Variants in RNF38 observed in about 807,000 individuals in gnomAD.
RNF38 encodes E3 ubiquitin-protein ligase RNF38.
A neutral mutation model predicts 67.2 loss-of-function variants in RNF38; 15 were observed. The ratio of observed to expected loss-of-function variants is 0.22; its 90% CI spans 0.15 to 0.34. RNF38 has a LOEUF of 0.34. Among genes scored for constraint, RNF38 ranks in the 10% least tolerant of loss-of-function variants. The pLI, the probability that RNF38 is intolerant of heterozygous loss-of-function variation, is 1.00. For synonymous variants in RNF38, 220 were observed against 218.8 expected, an observed-to-expected ratio of 1.01 and a Z score of -0.05; for missense variants, 524 against 639.9, an observed-to-expected ratio of 0.82 and a Z score of 1.95.
chr9:36,447,465 A>C (rs1241957727), intron 1 of RNF38, among the ~76,000 whole-genome samples: 1 of 152,186 alleles, frequency 6.6e-6, no homozygotes, highest in African/African-American at 2.4e-5. Flanking sequence ...TCTAACTAAA[A>C]TTCTGCTATC....
chr9:36,340,386 T>G (rs1832751376), intron 11 of RNF38, among the ~76,000 whole-genome samples: 1 of 152,210 alleles, frequency 6.6e-6, no homozygotes, highest in Non-Finnish European at 1.5e-5. Flanking sequence ...TGGTTAGTCT[T>G]TTTTTCCCCC....
At chr9:36,344,071 T>A (rs1201471436) in intron 10 of RNF38, among the ~76,000 whole-genome samples, 2 of 152,190 alleles carry the variant, frequency 1.3e-5, no homozygotes, top group African/African-American at 4.8e-5. Flanking sequence ...TGGAGTGCAG[T>A]GGTGTGATCT....
chr9:36,340,097 A>C (rs775242898), intron 11 of RNF38, among the ~76,000 whole-genome samples: 1 of 152,076 alleles, frequency 6.6e-6, no homozygotes, highest in Non-Finnish European at 1.5e-5. Context: ...CTCCCGTCTC[A>C]GCCTCCCGAG....
At chr9:36,439,790 CAA>C (rs1156589143) in intron 1 of RNF38, among the ~76,000 whole-genome samples, 259 of 76,308 alleles carry the variant, frequency 3.4e-3, no homozygotes, top group African/African-American at 0.011. Flanking sequence ...GACTCTGTCT[CAA>C]AAAAAAAAAA....
At position 36,339,765 on chromosome 9, in the gene RNF38, C is replaced by T. The variant is rs776323171; in HGVS notation, c.1535G>A (p.Arg512Gln). ...TTCTTAGGTTGGTCATTCTGAATCCCGATGCACTTCTGAAGCATCAGCTCG... is the reference window on the plus strand; with the variant it reads ...TTCTTAGGTTGGTCATTCTGAATCCTGATGCACTTCTGAAGCATCAGCTCG... ...ICRADASEVH[R>Q]DSE The change falls in exon 12 of 12, where the codon CGG becomes CAG. Residue 512 changes from arginine to glutamine, a missense_variant. Transcript: ENST00000259605. 13 of 1,612,944 alleles carry T rather than the reference C, an allele frequency of 8.1e-6. No homozygotes were observed. Among genetic ancestry groups the T allele is most frequent in the African/African-American group, 5.3e-5 (4 of 74,882 alleles).
chr9:36,350,249 A>G (rs1455026482), intron 9 of RNF38, among the ~76,000 whole-genome samples: 3 of 152,154 alleles, frequency 2.0e-5, no homozygotes, highest in Non-Finnish European at 4.4e-5. Flanking sequence ...TGGTCTTATA[A>G]TTTATTGCCT....
intron 2 of RNF38, among the ~76,000 whole-genome samples, chr9:36,376,354 G>T (rs895582502): frequency 2.0e-5 from 3 of 152,136 alleles, no homozygotes; most frequent in Non-Finnish European, 4.4e-5. Context: ...AATAAGCTTT[G>T]TTTTTAAAAA....
In RNF38 at chr9:36,358,521, C is replaced by T. The variant is rs938316694; in HGVS notation, c.571-579G>A. Among the ~76,000 whole-genome samples the T allele has an allele frequency of 1.2e-4, 18 of 152,122 alleles. 1 individual carries two copies. Among genetic ancestry groups the T allele is most frequent in the African/African-American group, 3.6e-4 (15 of 41,480 alleles). The stretch of plus-strand genomic sequence containing the variant: ...CTTAACAGAAATGAGATCATACTAC[C>T]CTGCAACTTTGTTTTTCCATTTAAT... On this transcript the variant is annotated intron_variant, in intron 4 of 11. Transcript: ENST00000259605.
intron 1 of RNF38, among the ~76,000 whole-genome samples, chr9:36,442,493 A>G (rs1839213329): frequency 6.6e-6 from 1 of 152,194 alleles, no homozygotes; most frequent in African/African-American, 2.4e-5. Flanking sequence ...TAAAAATTAA[A>G]GACACCTGCC....
Position 36,369,774 on chromosome 9 carries a change from T to C in RNF38, c.515A>G (p.His172Arg). 1 of 1,614,110 alleles carries C rather than the reference T, an allele frequency of 6.2e-7. No individual in the cohort carries two copies. The highest frequency in any genetic ancestry group is 8.5e-7 in the Non-Finnish European group (1 of 1,180,038). The change falls in exon 4 of 12, where the codon CAT (histidine) becomes CGT (arginine). Residue 172 changes from histidine to arginine, a missense_variant. His to Arg is a conservative substitution (Grantham distance 29). Coordinates refer to ENST00000259605, the MANE Select transcript of RNF38 (RefSeq NM_022781.5). Reference sequence around the variant, plus strand: ...CTGCTGGGGTGGATGAGCAGCAGGATGTAGCAGACGGGGAGATACATTCGG... The same window carrying C: ...CTGCTGGGGTGGATGAGCAGCAGGACGTAGCAGACGGGGAGATACATTCGG... ...HPPNVSPRLL[H>R]PAAHPPQQNA...
At chr9:36,343,916 G>C (rs1833031136) in intron 10 of RNF38, among the ~76,000 whole-genome samples, 1 of 152,178 alleles carries the variant, frequency 6.6e-6, no homozygotes, top group Non-Finnish European at 1.5e-5. Context: ...CAGTGGGTGA[G>C]GGGTTTTGTT....
At chr9:36,340,479 G>C (rs1832757565) in intron 11 of RNF38, among the ~76,000 whole-genome samples, 1 of 152,126 alleles carries the variant, frequency 6.6e-6, no homozygotes, top group South Asian at 2.1e-4. Flanking sequence ...GAACTCCTGG[G>C]CCTAAGTGAT....
At chr9:36,431,298 C>T (rs748001111) in intron 1 of RNF38, among the ~76,000 whole-genome samples, 1 of 152,166 alleles carries the variant, frequency 6.6e-6, no homozygotes, top group African/African-American at 2.4e-5. Context: ...ACTTAGACAA[C>T]AGGGCATAAC....
intron 1 of RNF38, among the ~76,000 whole-genome samples, chr9:36,439,695 C>T (rs1362160077): frequency 6.7e-6 from 1 of 149,272 alleles, no homozygotes; most frequent in Non-Finnish European, 1.5e-5. Context: ...GTCCCAGCTA[C>T]TAGAGAAATC....
intron 1 of RNF38, among the ~76,000 whole-genome samples, chr9:36,483,734 C>T (rs1840335146): frequency 6.6e-6 from 1 of 152,202 alleles, no homozygotes; most frequent in African/African-American, 2.4e-5. Flanking sequence ...TCATCTTTCT[C>T]TTAAGACATA....
rs1837026936 is a variant in RNF38 at position 36,390,851 on chromosome 9, C to T, written c.13-235G>A. Among the ~76,000 whole-genome samples, 4 of 152,180 alleles carry T rather than the reference C, an allele frequency of 2.6e-5. No homozygotes were observed. The South Asian group carries it at 6.2e-4, about 24-fold the overall frequency. ...GGCAAAACAGCACAGCCCAAGAACACCACGTCCTTCCTGTTTCCCAAATAC... is the reference window on the plus strand; with the variant it reads ...GGCAAAACAGCACAGCCCAAGAACATCACGTCCTTCCTGTTTCCCAAATAC... On this transcript the variant is annotated intron_variant, in intron 1 of 11. Transcript: ENST00000259605.
intron 1 of RNF38, among the ~76,000 whole-genome samples, chr9:36,464,395 T>G (rs1222690675): frequency 6.6e-6 from 1 of 151,812 alleles, no homozygotes; most frequent in Non-Finnish European, 1.5e-5. Flanking sequence ...GGTGAAACTC[T>G]GTCACTACTA....
rs559488317 is a variant in RNF38, at chr9:36,418,025, T to C, written n.312+6588A>G. On this transcript the variant is annotated intron_variant and non_coding_transcript_variant, in intron 2 of 3. Transcript: ENST00000488058. The stretch of plus-strand genomic sequence containing the variant: ...GAGAGAAACTGAATAGAGTGCTGTG[T>C]TTGTTTTTACAATCAATATGTGATT... Among the ~76,000 whole-genome samples the C allele has an allele frequency of 1.0e-3, 158 of 152,104 alleles. 1 individual carries two copies. The highest frequency in any genetic ancestry group is 3.4e-3 in the Middle Eastern group (1 of 294).
chr9:36,390,673 T>C, intron 1 of RNF38, 57 bp from the exon 2 acceptor site: 1 of 1,555,204 alleles, frequency 6.4e-7, no homozygotes, highest in African/African-American at 1.4e-5. Flanking sequence ...ATGTGGAGAA[T>C]CACGCCTATG....
Sources: gnomAD v4.1 joint callset for allele counts (sites outside exome capture counted in the v4.1 genomes callset) on GRCh38, gnomAD v4.1.1 for gene constraint, MANE v1.5 for transcripts, NCBI Gene and HGNC (gene_info 2026-07-23, HGNC 2026-07-21) for gene names.